ZNF578: variants seen among roughly 807,000 people sequenced by gnomAD.
ZNF578 encodes the protein Putative chemokine-related protein B42.
In ZNF578, 8 loss-of-function variants were observed where a neutral mutation model predicts 8.3. The observed-to-expected ratio is 0.96, with a 90% CI of 0.56 to 1.74. The LOEUF is 1.74. Among genes scored for constraint, ZNF578 ranks in the 40% most tolerant of loss-of-function variants. ZNF578 has a pLI of 0.00. For synonymous variants in ZNF578, 206 were observed against 232.2 expected (o/e 0.89, Z 1.03); for missense variants, 726 against 707.5 (o/e 1.03, Z -0.30).
chr19:52,488,783 GAA>G (rs112520451), intron 2 of ZNF578, among the ~76,000 whole-genome samples: 1 of 139,120 alleles, frequency 7.2e-6, no homozygotes, highest in African/African-American at 2.6e-5. Context: ...GACGCCGTCT[GAA>G]AAAAAAAAAA....
intron 2 of ZNF578, among the ~76,000 whole-genome samples, chr19:52,486,371 G>C (rs754747209): frequency 2.6e-5 from 4 of 152,142 alleles, no homozygotes; most frequent in Non-Finnish European, 4.4e-5. Flanking sequence ...TGGGTCCTCC[G>C]TATGCTGAGC....
chr19:52,509,022 C>G (rs575599341), intron 5 of ZNF578, among the ~76,000 whole-genome samples: 1 of 151,038 alleles, frequency 6.6e-6, no homozygotes, highest in South Asian at 2.1e-4. Flanking sequence ...TTGCCTCAGC[C>G]TCCAAAGTAG....
At chr19:52,471,196 A>C (rs1173289960) in intron 2 of ZNF578, among the ~76,000 whole-genome samples, 1 of 152,090 alleles carries the variant, frequency 6.6e-6, no homozygotes, top group East Asian at 1.9e-4. Context: ...TTTCTTTATA[A>C]ATTACCCAGT....
intron 2 of ZNF578, among the ~76,000 whole-genome samples, chr19:52,481,603 T>C (rs1255696688): frequency 6.6e-6 from 1 of 152,214 alleles, no homozygotes; most frequent in Non-Finnish European, 1.5e-5. Flanking sequence ...CCACTTGTAA[T>C]CCCTATTCAG....
chr19:52,466,167 A>G (rs1339445909), intron 2 of ZNF578, among the ~76,000 whole-genome samples: 1 of 152,266 alleles, frequency 6.6e-6, no homozygotes, highest in Non-Finnish European at 1.5e-5. Flanking sequence ...CACCTAATCT[A>G]TAGCAGTGGC....
In ZNF578 at chr19:52,510,641, C is replaced by A. The variant is rs764303056; in HGVS notation, c.260C>A (p.Thr87Lys). The change falls in exon 6 of 6, where the codon ACA becomes AAA. Residue 87 changes from threonine to lysine, a missense_variant. Transcript: ENST00000421239. The part of the protein sequence containing the change: ...TGQGNTEVIH[T>K]GMLQRHESYH... ...CAAGGCAATACAGAAGTGATCCACA[C>A]AGGGATGTTGCAAAGACATGAAAGT... is the stretch of plus-strand genomic sequence containing the variant. The A allele has an allele frequency of 3.8e-5, 61 of 1,608,762 alleles. No individual in the cohort carries two copies. The highest frequency in any genetic ancestry group is 4.9e-5 in the Non-Finnish European group (58 of 1,177,812).
chr19:52,494,903 C>G (rs1172219291), intron 3 of ZNF578, among the ~76,000 whole-genome samples: 1 of 152,200 alleles, frequency 6.6e-6, no homozygotes, highest in Non-Finnish European at 1.5e-5. Context: ...GTTATCTACT[C>G]TAACTGAAGC....
chr19:52,504,911 A>G (rs2059420228), intron 5 of ZNF578, 130 bp downstream of exon 5: 2 of 1,067,670 alleles, frequency 1.9e-6, no homozygotes, highest in South Asian at 1.6e-5. Context: ...TTGGTTTGAG[A>G]TGGATCTTTG....
chr19:52,472,453 A>G (rs896627841), intron 2 of ZNF578, among the ~76,000 whole-genome samples: 3 of 152,222 alleles, frequency 2.0e-5, no homozygotes, highest in African/African-American at 7.2e-5. Flanking sequence ...CTCTACTCTG[A>G]TATAACTGTT....
chr19:52,461,797 T>C (rs867696698), intron 2 of ZNF578, among the ~76,000 whole-genome samples: 2 of 152,212 alleles, frequency 1.3e-5, no homozygotes, highest in African/African-American at 4.8e-5. Context: ...AGTATTTTCC[T>C]TCCAAACTCG....
intron 2 of ZNF578, among the ~76,000 whole-genome samples, chr19:52,470,387 G>T (rs2059288308): frequency 6.6e-6 from 1 of 152,166 alleles, no homozygotes; most frequent in South Asian, 2.1e-4. Context: ...TGACATTATT[G>T]TCTATATTTG....
At chr19:52,485,017 T>C (rs1414904227) in intron 2 of ZNF578, among the ~76,000 whole-genome samples, 1 of 146,122 alleles carries the variant, frequency 6.8e-6, no homozygotes, top group Non-Finnish European at 1.5e-5. Context: ...TTATTTCACC[T>C]GGGTGCAGGC....
rs918292325 is a variant in ZNF578 at position 52,516,246 on chromosome 19, C to T, written c.*4092C>T. ...CTGAGCTCAAGTGATCTACCCACCT[C>T]GGCCTCCTAGAGTGCTGGGATGACA... On this transcript the variant is annotated 3_prime_UTR_variant, in exon 6 of 6. Coordinates refer to ENST00000421239, the MANE Select transcript of ZNF578 (RefSeq NM_001099694.2). Among the ~76,000 whole-genome samples, 8 of 152,278 alleles carry T rather than the reference C, an allele frequency of 5.3e-5. No homozygotes were observed. Among genetic ancestry groups the T allele is most frequent in the East Asian group, 1.9e-4 (1 of 5,170 alleles).
chr19:52,477,153 C>G (rs1319282949), intron 2 of ZNF578, among the ~76,000 whole-genome samples: 1 of 152,128 alleles, frequency 6.6e-6, no homozygotes, highest in Non-Finnish European at 1.5e-5. Context: ...CAAAATTAGT[C>G]CCATGTATCC....
Position 52,510,697 on chromosome 19 carries a change from A to G in ZNF578, c.316A>G (p.Ile106Val). ...CACTGGAGATTTTTGCTTCCAGGAA[A>G]TTGAAAAAGATATTCATGACTTTGA... ...YHTGDFCFQEIEKDIHDFEFQ... is the reference protein window; with the variant it reads ...YHTGDFCFQEVEKDIHDFEFQ... The change falls in exon 6 of 6, where the codon ATT becomes GTT. Residue 106 changes from isoleucine to valine, a missense_variant. Coordinates refer to ENST00000421239, the MANE Select transcript of ZNF578 (RefSeq NM_001099694.2). The G allele has an allele frequency of 6.2e-7, 1 of 1,613,586 alleles. No individual in the cohort carries two copies. The highest frequency in any genetic ancestry group is 8.5e-7 in the Non-Finnish European group (1 of 1,179,828).
chr19:52,516,071 C>T lies in ZNF578; in HGVS notation c.*3917C>T, dbSNP rs1354352117. 1.3e-5 allele frequency among the ~76,000 whole-genome samples: 2 copies of T among 152,126 alleles called. No individual in the cohort carries two copies. Among genetic ancestry groups the T allele is most frequent in the Non-Finnish European group, 2.9e-5 (2 of 68,030 alleles). ...CTCATGACTCCCTCTGCCCCAGTCA[C>T]ATTTGCTTTTCTCTTTTCCCAAACA... On this transcript the variant is annotated 3_prime_UTR_variant, in exon 6 of 6. Coordinates refer to ENST00000421239, the MANE Select transcript of ZNF578 (RefSeq NM_001099694.2).
At chr19:52,503,768 CT>C (rs1161892551) in intron 4 of ZNF578, among the ~76,000 whole-genome samples, 5 of 149,964 alleles carry the variant, frequency 3.3e-5, no homozygotes, top group African/African-American at 1.2e-4. Context: ...AACATAATAT[CT>C]GACATGTCTG....
chr19:52,504,810 G>C, intron 5 of ZNF578, 29 bp downstream of exon 5: 1 of 1,613,366 alleles, frequency 6.2e-7, no homozygotes, highest in South Asian at 1.1e-5. Context: ...CAGACATGAG[G>C]AGTCTGCTCT....
intron 5 of ZNF578, among the ~76,000 whole-genome samples, chr19:52,508,507 A>C (rs988136424): frequency 6.6e-6 from 1 of 151,952 alleles, no homozygotes; most frequent in Non-Finnish European, 1.5e-5. Context: ...CCACTATCAG[A>C]TGATAGTGGA....
Sources: gnomAD v4.1 joint callset for allele counts (sites outside exome capture counted in the v4.1 genomes callset) on GRCh38, gnomAD v4.1.1 for gene constraint, MANE v1.5 for transcripts, NCBI Gene and HGNC (gene_info 2026-07-23, HGNC 2026-07-21) for gene names.